The following EXOC4 variants were observed in gnomAD, a reference collection of about 807,000 sequenced individuals.
EXOC4 encodes SEC8-like 1.
Under a neutral mutation model 107.2 loss-of-function variants are expected in EXOC4, and 71 were observed. The ratio of observed to expected loss-of-function variants is 0.66; its 90% confidence interval spans 0.55 to 0.81. The LOEUF is 0.81. Among genes scored for constraint, EXOC4 ranks in the 30% least tolerant of loss-of-function variants. The pLI is 0.00. For synonymous variants in EXOC4, 456 were observed against 441.2 expected (o/e 1.03, Z -0.42); for missense variants, 1,108 against 1,189.6 (o/e 0.93, Z 1.01).
intron 10 of EXOC4, among the ~76,000 whole-genome samples, chr7:133,815,951 A>G (rs1317650897): frequency 6.6e-6 from 1 of 152,176 alleles, no homozygotes; most frequent in Non-Finnish European, 1.5e-5. Flanking sequence ...ATCCATTTTT[A>G]TAAAATGCCA....
chr7:133,714,081 C>A (rs1220973315), intron 10 of EXOC4, among the ~76,000 whole-genome samples: 1 of 152,032 alleles, frequency 6.6e-6, no homozygotes, highest in African/African-American at 2.4e-5. Flanking sequence ...TCAGGCCCAC[C>A]CTCACACCAG....
chr7:133,534,941 T>G (rs1563099746), intron 9 of EXOC4, among the ~76,000 whole-genome samples: 1 of 152,166 alleles, frequency 6.6e-6, no homozygotes, highest in Non-Finnish European at 1.5e-5. Context: ...TCAGTGATAC[T>G]TGTATAGATG....
chr7:133,685,076 T>C (rs1446379208), intron 10 of EXOC4, among the ~76,000 whole-genome samples: 1 of 152,176 alleles, frequency 6.6e-6, no homozygotes, highest in Non-Finnish European at 1.5e-5. Context: ...TAAAGTCTTC[T>C]AAAACATGAG....
At chr7:133,325,813 A>G (rs1795225290) in intron 5 of EXOC4, among the ~76,000 whole-genome samples, 2 of 152,190 alleles carry the variant, frequency 1.3e-5, no homozygotes, top group African/African-American at 4.8e-5. Flanking sequence ...GTGTTTTCCA[A>G]CTTGGTTCCA....
intron 14 of EXOC4, among the ~76,000 whole-genome samples, chr7:133,972,251 C>G (rs1021607093): frequency 3.3e-5 from 5 of 152,114 alleles, no homozygotes; most frequent in African/African-American, 1.2e-4. Flanking sequence ...AAATTTTACC[C>G]TGCTTCTTTT....
intron 3 of EXOC4, among the ~76,000 whole-genome samples, chr7:133,302,714 T>TG (rs1427172760): frequency 6.6e-6 from 1 of 152,162 alleles, no homozygotes; most frequent in African/African-American, 2.4e-5. Context: ...TATTCAGTGT[T>TG]GCGTGTCACA....
chr7:133,688,098 C>A (rs2014036), intron 10 of EXOC4, among the ~76,000 whole-genome samples: 2 of 152,184 alleles, frequency 1.3e-5, no homozygotes, highest in Non-Finnish European at 2.9e-5. Context: ...GAGTTAAAAT[C>A]GTGATTGAGA....
Position 133,516,421 on chromosome 7 carries a change from G to GAAAAA in EXOC4, c.1417+36283_1417+36284insAAAAA, listed in dbSNP as rs1178623861. ...CTGTCTCTAAAAAATTGTCTTTTCTGGACATTTCATGTAATGGAATCTTAT... is the reference window on the plus strand; with the variant it reads ...CTGTCTCTAAAAAATTGTCTTTTCTGAAAAAGACATTTCATGTAATGGAATCTTAT... On this transcript the variant is annotated intron_variant, in intron 9 of 17. Coordinates refer to ENST00000253861, the MANE Select transcript of EXOC4 (RefSeq NM_021807.4). 3.0e-4 allele frequency among the ~76,000 whole-genome samples: 46 copies of GAAAAA among 152,110 alleles called. 1 individual carries two copies. Among genetic ancestry groups the GAAAAA allele is most frequent in the African/African-American group, 1.1e-3 (45 of 41,518 alleles).
At chr7:133,641,473 AAC>A (rs1802853302) in intron 10 of EXOC4, among the ~76,000 whole-genome samples, 1 of 152,128 alleles carries the variant, frequency 6.6e-6, no homozygotes, top group African/African-American at 2.4e-5. Context: ...CGTACATACA[AAC>A]ACACACACTC....
intron 10 of EXOC4, among the ~76,000 whole-genome samples, chr7:133,799,460 A>T (rs530150435): frequency 1.7e-4 from 26 of 152,242 alleles, no homozygotes; most frequent in African/African-American, 5.8e-4. Flanking sequence ...CAGCCCATAC[A>T]CCGCTGATTT....
chr7:133,304,556 G>A (rs866855531), intron 3 of EXOC4, among the ~76,000 whole-genome samples: 2 of 152,146 alleles, frequency 1.3e-5, no homozygotes, highest in African/African-American at 4.8e-5. Flanking sequence ...AAGTGATGTG[G>A]TTGTGGATAA....
chr7:133,810,305 A>ATT (rs2151205919), intron 10 of EXOC4, among the ~76,000 whole-genome samples: 1 of 152,304 alleles, frequency 6.6e-6, no homozygotes, highest in East Asian at 1.9e-4. Context: ...ATTTGTGATA[A>ATT]GGCTGGGCTA....
intron 17 of EXOC4, among the ~76,000 whole-genome samples, chr7:134,033,664 G>T (rs970527512): frequency 1.3e-5 from 2 of 152,146 alleles, no homozygotes; most frequent in Admixed American, 6.5e-5. Context: ...CTCAGGAAGG[G>T]CCCAAGTCTT....
rs200058444 is a variant in EXOC4 at position 133,895,435 on chromosome 7, G to A, written c.1735-164G>A. ...CTGTAGACCAGAGCTGTTCCTATTC[G>A]GCCATCTTGGCTCCTCCCCCTGTTT... is the stretch of plus-strand genomic sequence containing the variant. On this transcript the variant is annotated intron_variant, in intron 11 of 17. Transcript: ENST00000253861. 3.3e-5 allele frequency among the ~76,000 whole-genome samples: 5 copies of A among 152,196 alleles called. No homozygotes were observed. In the East Asian group the frequency reaches 5.8e-4, roughly 18 times the overall value.
At chr7:133,825,581 G>C (rs1267967451) in intron 11 of EXOC4, among the ~76,000 whole-genome samples, 1 of 152,154 alleles carries the variant, frequency 6.6e-6, no homozygotes, top group Non-Finnish European at 1.5e-5. Flanking sequence ...CCCCAGCCAA[G>C]CTAAGGCACT....
At chr7:133,733,679 A>T (rs1234408867) in intron 10 of EXOC4, 2 of 152,192 alleles carry the variant, frequency 1.3e-5, no homozygotes, top group African/African-American at 4.8e-5. Context: ...TATATGGCAT[A>T]AATGTTTTCC....
intron 9 of EXOC4, among the ~76,000 whole-genome samples, chr7:133,492,846 A>G (rs1406281137): frequency 6.6e-6 from 1 of 151,950 alleles, no homozygotes; most frequent in Admixed American, 6.6e-5. Flanking sequence ...TGTAAAAGGA[A>G]GAAGGTAAGT....
At chr7:133,731,963 A>G (rs368248129) in intron 10 of EXOC4, among the ~76,000 whole-genome samples, 1 of 152,200 alleles carries the variant, frequency 6.6e-6, no homozygotes. Flanking sequence ...AGGAACGTAA[A>G]TCATTCTGTT....
At chr7:133,886,785 T>C (rs535695746) in intron 11 of EXOC4, among the ~76,000 whole-genome samples, 129 of 152,304 alleles carry the variant, frequency 8.5e-4, no homozygotes, top group African/African-American at 2.7e-3. Flanking sequence ...ATCAAATAAA[T>C]AAAAACAGGA....
Sources: allele counts gnomAD v4.1 joint callset (sites outside exome capture counted in the v4.1 genomes callset), GRCh38; gene constraint gnomAD v4.1.1; transcripts MANE v1.5; gene names NCBI Gene and HGNC (gene_info 2026-07-23, HGNC 2026-07-21).